Variants in ZC3H13 observed in about 807,000 individuals in gnomAD.
ZC3H13 encodes zinc finger CCCH-type containing 13.
A neutral mutation model predicts 204.1 loss-of-function variants in ZC3H13; 64 were observed. The ratio of observed to expected loss-of-function variants is 0.31; its 90% CI spans 0.26 to 0.39. The LOEUF is 0.39. Among genes scored for constraint, ZC3H13 ranks in the 10% least tolerant of loss-of-function variants. The pLI is 1.00. For synonymous variants in ZC3H13, 667 were observed against 693.7 expected, an observed-to-expected ratio of 0.96 and a Z score of 0.60; for missense variants, 1,833 against 2,082.7, an observed-to-expected ratio of 0.88 and a Z score of 2.33.
chr13:45,987,951 A>T (rs1459940367), intron 9 of ZC3H13, among the ~76,000 whole-genome samples: 1 of 152,188 alleles, frequency 6.6e-6, no homozygotes, highest in African/African-American at 2.4e-5. Flanking sequence ...AGCAAATCCA[A>T]AGTTAACTTA....
In ZC3H13 at chr13:45,969,990, C is replaced by G. The variant is rs1952452337; in HGVS notation, c.2573-19G>C. On this transcript the variant is annotated intron_variant, in intron 13 of 18. Transcript: ENST00000679008. Reference sequence around the variant, plus strand: ...TTTTCATCTATATAAAAGATAAAAGCAATCACACTCTCACCAGGTTAGTAA... The same window carrying G: ...TTTTCATCTATATAAAAGATAAAAGGAATCACACTCTCACCAGGTTAGTAA... The G allele has an allele frequency of 6.3e-7, 1 of 1,582,750 alleles. No individual in the cohort carries two copies. The highest frequency in any genetic ancestry group is 1.8e-5 in the Admixed American group (1 of 55,716).
chr13:45,985,263 A>G, intron 10 of ZC3H13, 34 bp downstream of exon 10: 1 of 1,523,142 alleles, frequency 6.6e-7, no homozygotes. Context: ...CTTTCTATAT[A>G]AGATATAGTT....
chr13:46,048,604 A>AAC (rs1555304986), intron 1 of ZC3H13, among the ~76,000 whole-genome samples: 3 of 151,062 alleles, frequency 2.0e-5, no homozygotes, highest in East Asian at 3.9e-4. Context: ...AAAAAAAAAA[A>AAC]ACTTTGAAGA....
chr13:46,010,600 A>C lies in ZC3H13; in HGVS notation c.589-95T>G. The C allele has an allele frequency of 2.2e-6, 3 of 1,336,672 alleles. No homozygotes were observed. In the South Asian group the frequency reaches 4.2e-5, roughly 19 times the overall value. The allele number at this position is 1,336,672 out of a possible 1,614,324, so 82.8% of individuals were successfully genotyped here. A position where few individuals can be genotyped will look rare whatever the true frequency, so the allele number is the denominator to read the frequency against. On this transcript the variant is annotated intron_variant, in intron 6 of 18. Coordinates refer to ENST00000679008, the MANE Select transcript of ZC3H13 (RefSeq NM_001330564.2). ...TAGAATCACACCAAACTTCAGATTAAAATTAAATATTATTGCCGGGTGCAG... is the reference window on the plus strand; with the variant it reads ...TAGAATCACACCAAACTTCAGATTACAATTAAATATTATTGCCGGGTGCAG...
At chr13:45,977,991 A>G (rs1465379727) in intron 11 of ZC3H13, among the ~76,000 whole-genome samples, 1 of 152,024 alleles carries the variant, frequency 6.6e-6, no homozygotes, top group Non-Finnish European at 1.5e-5. Context: ...CTCCAATCTC[A>G]TAATTCCTTA....
intron 7 of ZC3H13, among the ~76,000 whole-genome samples, chr13:46,006,316 G>C (rs113087839): frequency 6.6e-6 from 1 of 151,470 alleles, no homozygotes; most frequent in Admixed American, 6.6e-5. Context: ...CAAATGCTCA[G>C]GGAGATTGAT....
In ZC3H13 at chr13:45,970,460, C is replaced by A; in HGVS notation, c.2474G>T (p.Arg825Leu). 1.2e-6 allele frequency: 2 copies of A among 1,611,222 alleles called. No individual in the cohort carries two copies. Among genetic ancestry groups the A allele is most frequent in the Non-Finnish European group, 1.7e-6 (2 of 1,178,848 alleles). ...DGHDERKSKK[R>L]YRNEGSPSPR... ...GCTGGGACTCCCTTCATTTCTATAG[C>A]GCTTCCTAAATTGGACAAGCAAACA... The change falls in exon 13 of 19, where the codon CGC becomes CTC. Residue 825 changes from arginine (R) to leucine (L), a missense_variant. By Grantham distance (102) the Arg-to-Leu change is moderately radical. Coordinates refer to ENST00000679008, the MANE Select transcript of ZC3H13 (RefSeq NM_001330564.2).
chr13:45,988,429 T>A (rs1055986134), intron 9 of ZC3H13, among the ~76,000 whole-genome samples: 1 of 152,128 alleles, frequency 6.6e-6, no homozygotes. Flanking sequence ...AGCTAATTTT[T>A]TGTATTTTTA....
At chr13:45,985,182 T>C in intron 10 of ZC3H13, 115 bp downstream of exon 10, 1 of 1,134,166 alleles carries the variant, frequency 8.8e-7, no homozygotes, top group Non-Finnish European at 1.2e-6. Flanking sequence ...GTTCAATTAA[T>C]TAAAAATTAC....
chr13:46,015,587 A>G (rs2041862609), intron 5 of ZC3H13, among the ~76,000 whole-genome samples: 1 of 152,152 alleles, frequency 6.6e-6, no homozygotes, highest in Non-Finnish European at 1.5e-5. Flanking sequence ...TACTGCAATG[A>G]TACTTTTACT....
At chr13:45,973,668 G>T (rs1455284613) in intron 12 of ZC3H13, among the ~76,000 whole-genome samples, 1 of 150,994 alleles carries the variant, frequency 6.6e-6, no homozygotes, top group Non-Finnish European at 1.5e-5. Flanking sequence ...TGAATTTTTG[G>T]ATTTGGGATG....
intron 8 of ZC3H13, among the ~76,000 whole-genome samples, chr13:45,994,631 G>C (rs1406666479): frequency 2.0e-5 from 3 of 152,196 alleles, no homozygotes; most frequent in Non-Finnish European, 4.4e-5. Flanking sequence ...CCGCACGCAT[G>C]TGGATTGTTT....
In ZC3H13 at chr13:45,979,827, T is replaced by C. The variant is rs1320500794; in HGVS notation, c.1898A>G (p.Asp633Gly). 3.2e-6 allele frequency: 5 copies of C among 1,584,618 alleles called. No homozygotes were observed. The South Asian group carries it at 5.8e-5, about 18-fold the overall frequency. The change falls in exon 11 of 19, where the codon GAC becomes GGC. Residue 633 changes from aspartate to glycine, a missense_variant. Physicochemically the swap from Asp to Gly is moderately conservative, Grantham distance 94 (BLOSUM62 -1). Coordinates refer to ENST00000679008, the MANE Select transcript of ZC3H13 (RefSeq NM_001330564.2). ...GTTTGACAAACCTCTCTCTCTGTTG[T>C]CACGACGGTCTCGCTCTCCATGTCT... ...ERRHGERDRR[D>G]NRERDQRPSS... is the part of the protein sequence containing the mutation.
chr13:45,980,316 T>C lies in ZC3H13; in HGVS notation c.1721-312A>G, dbSNP rs1953453210. Among the ~76,000 whole-genome samples the C allele has an allele frequency of 2.0e-5, 3 of 152,180 alleles. 1 individual carries two copies. The highest frequency in any genetic ancestry group is 6.5e-5 in the Admixed American group (1 of 15,268). On this transcript the variant is annotated intron_variant, in intron 10 of 18. Transcript: ENST00000679008. ...AAAAAATAAAAACTATTTCTTCATA[T>C]TTAATTCACAGATATATAAAAATAA...
At chr13:46,042,366 T>C (rs184055892) in intron 3 of ZC3H13, 91 bp from the exon 4 acceptor site, 573 of 820,790 alleles carry the variant, frequency 7.0e-4, no homozygotes, top group Non-Finnish European at 8.9e-4. Flanking sequence ...TAAGAATGTA[T>C]TTACAGAAAT....
In ZC3H13 at chr13:45,989,127, T is replaced by G. The variant is rs766199722; in HGVS notation, c.945-30A>C. 7 of 1,588,738 alleles carry G rather than the reference T, an allele frequency of 4.4e-6. No homozygotes were observed. In the African/African-American group the frequency reaches 8.1e-5, roughly 18 times the overall value. ...AAGGGAAAACAATAACAATAAAACATGTATTCAAGAGCTTCATTTCTAGCC... is the reference window on the plus strand; with the variant it reads ...AAGGGAAAACAATAACAATAAAACAGGTATTCAAGAGCTTCATTTCTAGCC... On this transcript the variant is annotated intron_variant, in intron 8 of 18. Coordinates refer to ENST00000679008, the MANE Select transcript of ZC3H13 (RefSeq NM_001330564.2).
At position 45,969,693 on chromosome 13, in the gene ZC3H13, G is replaced by A. The variant is rs1566166408; in HGVS notation, c.2851C>T (p.Arg951Ter). ...TTCTTCTTGTTTTCATCATGAGCTC[G>A]ATCAGATGTCTCTCGATCTTCAGAC... ...HQSEDRETSDRAHDENKKKAK... is the reference protein window; with the variant it reads ...HQSEDRETSD Residue 951 changes from arginine to a stop codon, truncating the protein, a stop_gained, in exon 14 of 19, where the codon CGA becomes TGA. Transcript: ENST00000679008. LOFTEE classifies it high-confidence loss of function. The A allele has an allele frequency of 6.2e-7, 1 of 1,613,006 alleles. No homozygotes were observed. Among genetic ancestry groups the A allele is most frequent in the South Asian group, 1.1e-5 (1 of 90,900 alleles).
rs1184296890 is a variant in ZC3H13 at position 45,988,836 on chromosome 13, A to T, written c.1206T>A (p.Asp402Glu). 6.2e-7 allele frequency: 1 copy of T among 1,614,188 alleles called. No individual in the cohort carries two copies. The highest frequency in any genetic ancestry group is 1.1e-5 in the South Asian group (1 of 91,086). Reference sequence around the variant, plus strand: ...CATGAGACTGTGAAGTTCGTTCATGATCATGTCTCCCTTTCTCTCGCATTG... The same window carrying T: ...CATGAGACTGTGAAGTTCGTTCATGTTCATGTCTCCCTTTCTCTCGCATTG... The part of the protein sequence containing the change: ...RSPMREKGRH[D>E]HERTSQSHDR... Residue 402 changes from aspartate to glutamate, a missense_variant, in exon 9 of 19, where the codon GAT (aspartate) becomes GAA (glutamate). Physicochemically the swap from Asp to Glu is conservative, Grantham distance 45. Coordinates refer to ENST00000679008, the MANE Select transcript of ZC3H13 (RefSeq NM_001330564.2).
intron 8 of ZC3H13, among the ~76,000 whole-genome samples, chr13:45,989,740 C>G (rs2039832800): frequency 6.6e-6 from 1 of 152,108 alleles, no homozygotes; most frequent in Non-Finnish European, 1.5e-5. Flanking sequence ...CCCTTCAAAT[C>G]ATTTTCTTTC....
Sources: allele counts gnomAD v4.1 joint callset (sites outside exome capture counted in the v4.1 genomes callset), GRCh38; gene constraint gnomAD v4.1.1; transcripts MANE v1.5; gene names NCBI Gene and HGNC (gene_info 2026-07-23, HGNC 2026-07-21).